DACH2: variants seen among roughly 807,000 people sequenced by gnomAD.
DACH2 encodes the protein dachshund family transcription factor 2.
Under a neutral mutation model 35.8 loss-of-function variants are expected in DACH2, and 17 were observed. The ratio of observed to expected loss-of-function variants is 0.48; its 90% CI spans 0.33 to 0.71. DACH2 has a LOEUF of 0.71. Ranked by LOEUF, DACH2 falls within the 30% of genes least tolerant of loss-of-function variation. The pLI, the probability that DACH2 is intolerant of heterozygous loss-of-function variation, is 0.02. For synonymous variants in DACH2, 195 were observed against 177.3 expected (o/e 1.10, Z -0.79); for missense variants, 469 against 472.7 (o/e 0.99, Z 0.07).
At chrX:86,523,595 T>A (rs1364466012) in intron 3 of DACH2, among the ~76,000 whole-genome samples, 1 of 111,303 alleles carries the variant, frequency 9.0e-6, no homozygotes, top group East Asian at 2.8e-4. Context: ...AGGGTTTTTT[T>A]GGACAATTCT....
At chrX:86,682,912 T>G (rs2040898489) in intron 4 of DACH2, among the ~76,000 whole-genome samples, 1 of 111,623 alleles carries the variant, frequency 9.0e-6, no homozygotes, top group Non-Finnish European at 1.9e-5. Flanking sequence ...ATTAGAATTA[T>G]TCAGTCTAAT....
rs2030257931 is a variant in DACH2, at chrX:86,148,887, C to G, written c.267C>G (p.Ile89Met). Residue 89 changes from isoleucine to methionine, a missense_variant, in exon 1 of 12, where the codon ATC (isoleucine) becomes ATG (methionine). Transcript: ENST00000373125. ...ASFLMDGQEL[I>M]CLPQVFDLFL... ...TCCTGATGGACGGCCAGGAACTGAT[C>G]TGCCTGCCGCAAGTCTTTGATCTTT... is the stretch of plus-strand genomic sequence containing the variant. The G allele has an allele frequency of 8.3e-7, 1 of 1,209,061 alleles. No individual in the cohort carries two copies. Among genetic ancestry groups the G allele is most frequent in the Non-Finnish European group, 1.1e-6 (1 of 895,099 alleles).
intron 1 of DACH2, among the ~76,000 whole-genome samples, chrX:86,176,177 T>A (rs183829326): frequency 9.0e-6 from 1 of 111,169 alleles, no homozygotes; most frequent in Non-Finnish European, 1.9e-5. Flanking sequence ...TGAGAATACA[T>A]TTTAAATCAT....
At chrX:86,201,088 A>T (rs2032143334) in intron 1 of DACH2, among the ~76,000 whole-genome samples, 1 of 111,625 alleles carries the variant, frequency 9.0e-6, no homozygotes, top group Non-Finnish European at 1.9e-5. Context: ...AATAAATATC[A>T]TGGAATACTA....
chrX:86,355,644 A>C (rs2035630409), intron 1 of DACH2, among the ~76,000 whole-genome samples: 1 of 111,605 alleles, frequency 9.0e-6, no homozygotes, highest in Non-Finnish European at 1.9e-5. Context: ...ATCCTCCTAC[A>C]TCAGCCCTAA....
intron 5 of DACH2, among the ~76,000 whole-genome samples, chrX:86,697,700 TAA>T (rs200016725): frequency 9.5e-6 from 1 of 104,828 alleles, no homozygotes; most frequent in East Asian, 3.1e-4. Flanking sequence ...ATGCTAGGGA[TAA>T]AAAAAAAAGA....
At chrX:86,149,198 G>T in intron 1 of DACH2, 90 bp downstream of exon 1, 7 of 1,026,612 alleles carry the variant, frequency 6.8e-6, no homozygotes, top group Non-Finnish European at 7.7e-6. Context: ...TTTGTTTGTA[G>T]AGTGAGTCTT....
intron 4 of DACH2, among the ~76,000 whole-genome samples, chrX:86,667,561 A>G (rs2040707687): frequency 1.2e-5 from 1 of 83,222 alleles, no homozygotes; most frequent in Admixed American, 1.2e-4. Context: ...AGAAAGAAAG[A>G]AAGAAAGAAA....
At chrX:86,708,806 A>C (rs1251369636) in intron 5 of DACH2, among the ~76,000 whole-genome samples, 1 of 111,655 alleles carries the variant, frequency 9.0e-6, no homozygotes, top group Non-Finnish European at 1.9e-5. Flanking sequence ...AAATTGTTTA[A>C]ATTAGCAACA....
chrX:86,660,799 A>T (rs1477830937), intron 4 of DACH2, among the ~76,000 whole-genome samples: 2 of 111,517 alleles, frequency 1.8e-5, no homozygotes, highest in African/African-American at 6.5e-5. Context: ...CTGTCATGGT[A>T]TACATATATA....
intron 3 of DACH2, among the ~76,000 whole-genome samples, chrX:86,525,571 AG>A (rs772994172): frequency 2.1e-4 from 23 of 111,659 alleles, no homozygotes; most frequent in African/African-American, 7.5e-4. Flanking sequence ...ACAATTCCTG[AG>A]TGAATTACTT....
At chrX:86,225,852 G>A (rs1247463044) in intron 1 of DACH2, among the ~76,000 whole-genome samples, 1 of 111,467 alleles carries the variant, frequency 9.0e-6, no homozygotes, top group Non-Finnish European at 1.9e-5. Context: ...TATCTATGTG[G>A]CAGATAAAGC....
intron 6 of DACH2, among the ~76,000 whole-genome samples, chrX:86,717,763 T>TATATAC (rs1340811617): frequency 4.8e-5 from 5 of 104,372 alleles, no homozygotes; most frequent in African/African-American, 1.7e-4. Flanking sequence ...TATATATATA[T>TATATAC]ACATATATAT....
chrX:86,521,342 T>G (rs2038551376), intron 3 of DACH2, among the ~76,000 whole-genome samples: 1 of 111,718 alleles, frequency 9.0e-6, no homozygotes, highest in South Asian at 3.8e-4. Flanking sequence ...ATTCTTACTT[T>G]CATTTTGACC....
intron 2 of DACH2, among the ~76,000 whole-genome samples, chrX:86,491,333 G>T (rs1197527654): frequency 1.8e-5 from 2 of 111,647 alleles, no homozygotes; most frequent in African/African-American, 6.5e-5. Context: ...CAACACAGTT[G>T]CCACCTCAAA....
At chrX:86,641,725 A>G (rs976053993) in intron 3 of DACH2, among the ~76,000 whole-genome samples, 3 of 112,074 alleles carry the variant, frequency 2.7e-5, no homozygotes, top group African/African-American at 9.7e-5. Context: ...TAACCTACAA[A>G]GGGATTCCCA....
intron 7 of DACH2, among the ~76,000 whole-genome samples, chrX:86,757,776 C>T (rs998603377): frequency 3.6e-5 from 4 of 112,067 alleles, no homozygotes; most frequent in African/African-American, 1.3e-4. Context: ...CTTAGCCTTC[C>T]ACCATGATTG....
At chrX:86,651,930 T>C (rs771101954) in intron 4 of DACH2, among the ~76,000 whole-genome samples, 1 of 111,717 alleles carries the variant, frequency 9.0e-6, no homozygotes, top group Non-Finnish European at 1.9e-5. Context: ...AAAGGAAAGA[T>C]TGAAGAAATA....
At chrX:86,816,324 A>T (rs1176867839) in intron 11 of DACH2, among the ~76,000 whole-genome samples, 2 of 112,078 alleles carry the variant, frequency 1.8e-5, no homozygotes, top group Admixed American at 1.9e-4. Flanking sequence ...TTACAGAGGG[A>T]CTAATAATTT....
Sources: gnomAD v4.1 joint callset for allele counts (sites outside exome capture counted in the v4.1 genomes callset) on GRCh38, gnomAD v4.1.1 for gene constraint, MANE v1.5 for transcripts, NCBI Gene and HGNC (gene_info 2026-07-23, HGNC 2026-07-21) for gene names.